Variants in PHACTR2 observed in about 807,000 individuals in gnomAD.
The protein encoded by PHACTR2 is chromosome 6 open reading frame 56.
PHACTR2 carries 30 observed loss-of-function variants against 76.0 expected under a neutral mutation model. The observed-to-expected ratio is 0.39, with a 90% confidence interval of 0.30 to 0.54. The LOEUF is 0.54. Ranked by LOEUF, PHACTR2 falls within the 20% of genes least tolerant of loss-of-function variation. The pLI is 0.61. For synonymous variants in PHACTR2, 292 were observed against 292.5 expected (o/e 1.00, Z 0.02); for missense variants, 696 against 781.1 (o/e 0.89, Z 1.30).
At position 143,755,235 on chromosome 6, in the gene PHACTR2, G is replaced by A. The variant is rs1779272456; in HGVS notation, c.454+1323G>A. On this transcript the variant is annotated intron_variant, in intron 4 of 12. Transcript: ENST00000440869. The surrounding 1 kb of genome is among the most constrained non-coding windows in gnomAD (Gnocchi z 5.2). Reference sequence around the variant, plus strand: ...AAGTAGACTTAAATAAATTTTAGTGGGATTCAGTTGAAAGTATTAACGCAA... The same window carrying A: ...AAGTAGACTTAAATAAATTTTAGTGAGATTCAGTTGAAAGTATTAACGCAA... 2.2e-6 allele frequency: 1 copy of A among 453,652 alleles called. No individual in the cohort carries two copies. The highest frequency in any genetic ancestry group is 4.4e-6 in the Non-Finnish European group (1 of 225,482). The allele number at this position is 453,652 out of a possible 1,614,324, so 28.1% of individuals were successfully genotyped here. A position where few individuals can be genotyped will look rare whatever the true frequency, so the allele number is the denominator to read the frequency against.
In PHACTR2 at chr6:143,556,555, A is replaced by G. The variant is rs1196617659; in HGVS notation, c.217+19348A>G. Among the ~76,000 whole-genome samples, 1 of 152,226 alleles carries G rather than the reference A, an allele frequency of 6.6e-6. No homozygotes were observed. The highest frequency in any genetic ancestry group is 1.5e-5 in the Non-Finnish European group (1 of 68,046). ...AGATGAGAAAAAATATTTTGAGAAA[A>G]GTTGACTAGCTCCTCTGCAGTGACA... On this transcript the variant is annotated intron_variant, in intron 1 of 11. Transcript: ENST00000367584. This position sits in a 1 kb window ranked among gnomAD's most constrained non-coding sequence, Gnocchi z 4.3.
At chr6:143,574,816 G>A (rs1775486835) in intron 1 of PHACTR2, among the ~76,000 whole-genome samples, 1 of 151,926 alleles carries the variant, frequency 6.6e-6, no homozygotes, top group Non-Finnish European at 1.5e-5. Context: ...AAATCTAACA[G>A]CTGGCCTTCT....
chr6:143,618,256 AACACACACACACACAC>A lies in PHACTR2; in HGVS notation c.13+9949_13+9964del, dbSNP rs66800720. 6.2e-5 allele frequency among the ~76,000 whole-genome samples: 9 copies of A among 145,300 alleles called. No homozygotes were observed. Among genetic ancestry groups the A allele is most frequent in the Admixed American group, 4.1e-4 (6 of 14,550 alleles). Reference sequence around the variant, plus strand: ...GTTCCACCTTGTACTTCCTGCTCCAAACACACACACACACACACACACACACACACGCACACTCCAG... The same window carrying A: ...GTTCCACCTTGTACTTCCTGCTCCAAACACACACACACACGCACACTCCAG... On this transcript the variant is annotated intron_variant, in intron 1 of 11. Coordinates refer to the PHACTR2 transcript ENST00000305766. This position sits in a 1 kb window ranked among gnomAD's most constrained non-coding sequence, Gnocchi z 5.2.
rs1775223168 is a variant in PHACTR2 at position 143,774,251 on chromosome 6, T to C, written c.1589+36T>C. ...ACATTTTAGGACAGTACTGACTAATTTGTATTTTTCTCCCTCCCAAAGCTT... is the reference window on the plus strand; with the variant it reads ...ACATTTTAGGACAGTACTGACTAATCTGTATTTTTCTCCCTCCCAAAGCTT... On this transcript the variant is annotated intron_variant, in intron 8 of 12. Coordinates refer to ENST00000440869, the MANE Select transcript of PHACTR2 (RefSeq NM_001100164.2). The surrounding 1 kb of genome is among the most constrained non-coding windows in gnomAD (Gnocchi z 5.4). 5.1e-6 allele frequency: 8 copies of C among 1,577,414 alleles called. No homozygotes were observed. The highest frequency in any genetic ancestry group is 6.1e-6 in the Non-Finnish European group (7 of 1,151,634).
Position 143,744,760 on chromosome 6 carries a change from G to C in PHACTR2, c.215-4225G>C, listed in dbSNP as rs953171422. 2.6e-5 allele frequency among the ~76,000 whole-genome samples: 4 copies of C among 152,202 alleles called. No homozygotes were observed. The East Asian group carries it at 7.7e-4, about 29-fold the overall frequency. On this transcript the variant is annotated intron_variant, in intron 2 of 12. Coordinates refer to ENST00000440869, the MANE Select transcript of PHACTR2 (RefSeq NM_001100164.2). The stretch of plus-strand genomic sequence containing the variant: ...TTCAGGGATTGTTGGAAGTAAGATG[G>C]GCAGCCATGGGAAGTTTTTGGAAGA...
rs756471632 is a variant in PHACTR2, at chr6:143,671,540, T to A, written c.14-40476T>A. ...TCTGAATTTCATAGCACTTTTCATC[T>A]TCTAAATTGTTATAAAGTTTACTGA... On this transcript the variant is annotated intron_variant, in intron 1 of 11. Coordinates refer to the PHACTR2 transcript ENST00000305766. The surrounding 1 kb of genome is among the most constrained non-coding windows in gnomAD (Gnocchi z 4.6). 2.8e-4 allele frequency among the ~76,000 whole-genome samples: 42 copies of A among 152,230 alleles called. 1 individual carries two copies. Among genetic ancestry groups the A allele is most frequent in the Admixed American group, 2.5e-3 (38 of 15,290 alleles).
intron 1 of PHACTR2, among the ~76,000 whole-genome samples, chr6:143,690,296 T>C (rs1189956913): frequency 6.6e-6 from 1 of 152,242 alleles, no homozygotes; most frequent in Non-Finnish European, 1.5e-5. Flanking sequence ...GGACTGGATT[T>C]TCTCTGAGCC....
In PHACTR2 at chr6:143,580,493, C is replaced by T; in HGVS notation, c.217+43286C>T. On this transcript the variant is annotated intron_variant, in intron 1 of 11. Transcript: ENST00000367584. This position sits in a 1 kb window ranked among gnomAD's most constrained non-coding sequence, Gnocchi z 4.2. ...GAGCGAGACTCCGTCTCAAACAAAACAAAACAAAACAAAACAAAAAATACA... is the reference window on the plus strand; with the variant it reads ...GAGCGAGACTCCGTCTCAAACAAAATAAAACAAAACAAAACAAAAAATACA... Among the ~76,000 whole-genome samples the T allele has an allele frequency of 7.5e-6, 1 of 133,198 alleles. No homozygotes were observed. The highest frequency in any genetic ancestry group is 1.6e-5 in the Non-Finnish European group (1 of 61,982). The allele number at this position is 133,198 out of a possible 152,430, so 87.4% of individuals were successfully genotyped here.
rs938280275 is a variant in PHACTR2, at chr6:143,683,427, T to C, written c.46+5218T>C. 2.0e-5 allele frequency among the ~76,000 whole-genome samples: 3 copies of C among 152,216 alleles called. No homozygotes were observed. Among genetic ancestry groups the C allele is most frequent in the African/African-American group, 7.2e-5 (3 of 41,450 alleles). ...GGGTGGTATCTGAATCTAGTAATTATTTCTTCTAGTTTTTTCCAACCCCAC... is the reference window on the plus strand; with the variant it reads ...GGGTGGTATCTGAATCTAGTAATTACTTCTTCTAGTTTTTTCCAACCCCAC... On this transcript the variant is annotated intron_variant, in intron 1 of 12. Transcript: ENST00000440869. This position sits in a 1 kb window ranked among gnomAD's most constrained non-coding sequence, Gnocchi z 4.1.
In PHACTR2 at chr6:143,541,531, C is replaced by T. The variant is rs1781170526; in HGVS notation, c.217+4324C>T. Among the ~76,000 whole-genome samples the T allele has an allele frequency of 6.6e-6, 1 of 152,200 alleles. No individual in the cohort carries two copies. Among genetic ancestry groups the T allele is most frequent in the Admixed American group, 6.5e-5 (1 of 15,278 alleles). Reference sequence around the variant, plus strand: ...AAAAAAGCAGTATAGGTGTGTGGACCACTTCATTAGCTTAATGTGCAAGTA... The same window carrying T: ...AAAAAAGCAGTATAGGTGTGTGGACTACTTCATTAGCTTAATGTGCAAGTA... On this transcript the variant is annotated intron_variant, in intron 1 of 11. Coordinates refer to the PHACTR2 transcript ENST00000367584. The surrounding 1 kb of genome is among the most constrained non-coding windows in gnomAD (Gnocchi z 5.3).
rs538767883 is a variant in PHACTR2, at chr6:143,548,003, T to C, written c.217+10796T>C. Among the ~76,000 whole-genome samples the C allele has an allele frequency of 5.3e-5, 8 of 152,326 alleles. No homozygotes were observed. The East Asian group carries it at 1.5e-3, about 29-fold the overall frequency. The stretch of plus-strand genomic sequence containing the variant: ...TGTGTATCATCTATCTATCTTATTT[T>C]GGCCTACTATAACAAACTGTCATAG... On this transcript the variant is annotated intron_variant, in intron 1 of 11. Coordinates refer to the PHACTR2 transcript ENST00000367584. The surrounding 1 kb of genome is among the most constrained non-coding windows in gnomAD (Gnocchi z 4.5).
At position 143,820,777 on chromosome 6, in the gene PHACTR2, A is replaced by G. The variant is rs537573352; in HGVS notation, c.1923-2897A>G. Among the ~76,000 whole-genome samples, 1 of 152,226 alleles carries G rather than the reference A, an allele frequency of 6.6e-6. No homozygotes were observed. Among genetic ancestry groups the G allele is most frequent in the Non-Finnish European group, 1.5e-5 (1 of 67,996 alleles). Reference sequence around the variant, plus strand: ...AGCAGAGACCCTTTGTGGAATCCCCAACTCCTCATTTCCCTTCCACACTGC... The same window carrying G: ...AGCAGAGACCCTTTGTGGAATCCCCGACTCCTCATTTCCCTTCCACACTGC... On this transcript the variant is annotated intron_variant, in intron 12 of 12. Transcript: ENST00000440869. This position sits in a 1 kb window ranked among gnomAD's most constrained non-coding sequence, Gnocchi z 4.2.
At chr6:143,544,604 G>C (rs79237988) in intron 1 of PHACTR2, among the ~76,000 whole-genome samples, 40 of 152,218 alleles carry the variant, frequency 2.6e-4, no homozygotes, top group Non-Finnish European at 5.3e-4. Context: ...TTAAAGTACT[G>C]TGTAAGTGGT....
chr6:143,727,070 C>T (rs1177658963), intron 2 of PHACTR2, among the ~76,000 whole-genome samples: 2 of 151,978 alleles, frequency 1.3e-5, no homozygotes, highest in African/African-American at 4.8e-5. Context: ...ATGTTTGTAC[C>T]CATTAATCTG....
At chr6:143,724,717 G>T (rs1178532132) in intron 2 of PHACTR2, among the ~76,000 whole-genome samples, 1 of 152,180 alleles carries the variant, frequency 6.6e-6, no homozygotes, top group Non-Finnish European at 1.5e-5. Context: ...CTTTAAAAAT[G>T]GGGCTTTTTT....
At chr6:143,638,951 A>G (rs1242018789) in intron 1 of PHACTR2, among the ~76,000 whole-genome samples, 1 of 152,144 alleles carries the variant, frequency 6.6e-6, no homozygotes, top group South Asian at 2.1e-4. Context: ...TAAAAATTGT[A>G]ATTTAGAGTG....
chr6:143,742,755 A>G lies in PHACTR2; in HGVS notation c.215-6230A>G, dbSNP rs960002289. Among the ~76,000 whole-genome samples the G allele has an allele frequency of 6.6e-6, 1 of 152,218 alleles. No homozygotes were observed. The highest frequency in any genetic ancestry group is 6.5e-5 in the Admixed American group (1 of 15,286). On this transcript the variant is annotated intron_variant, in intron 2 of 12. Coordinates refer to ENST00000440869, the MANE Select transcript of PHACTR2 (RefSeq NM_001100164.2). The surrounding 1 kb of genome is among the most constrained non-coding windows in gnomAD (Gnocchi z 4.5). Reference sequence around the variant, plus strand: ...CCCCAAAAAGACACTTAGGTCCCCAATATCTACTCTGTGCGATATATTATT... The same window carrying G: ...CCCCAAAAAGACACTTAGGTCCCCAGTATCTACTCTGTGCGATATATTATT...
chr6:143,676,890 T>G (rs986472999), upstream of PHACTR2, among the ~76,000 whole-genome samples: 3 of 152,074 alleles, frequency 2.0e-5, no homozygotes, highest in African/African-American at 4.8e-5. This position sits in a 1 kb window ranked among gnomAD's most constrained non-coding sequence, Gnocchi z 4.8. Flanking sequence ...TAATTAACCA[T>G]GACAAAACAG....
At position 143,568,775 on chromosome 6, in the gene PHACTR2, TAGG is replaced by T. The variant is rs1456598013; in HGVS notation, c.217+31571_217+31573del. On this transcript the variant is annotated intron_variant, in intron 1 of 11. Transcript: ENST00000367584. ...AGCTTAGCACGTCCCTTATACACTGTAGGAGTATGATAGATCTATGTTGACCTG... is the reference window on the plus strand; with the variant it reads ...AGCTTAGCACGTCCCTTATACACTGTAGTATGATAGATCTATGTTGACCTG... 1.5e-4 allele frequency among the ~76,000 whole-genome samples: 23 copies of T among 152,344 alleles called. 1 individual carries two copies. The East Asian group carries it at 4.4e-3, about 29-fold the overall frequency.
Sources: gnomAD v4.1 joint callset for allele counts (sites outside exome capture counted in the v4.1 genomes callset) on GRCh38, gnomAD v4.1.1 for gene constraint, Gnocchi (gnomAD v3.1) non-coding constraint, MANE v1.5 for transcripts, NCBI Gene and HGNC (gene_info 2026-07-23, HGNC 2026-07-21) for gene names.